LEPROTL1: variants seen among roughly 807,000 people sequenced by gnomAD.
LEPROTL1 encodes leptin receptor overlapping transcript-like 1.
Under a neutral mutation model 15.4 loss-of-function variants are expected in LEPROTL1, and 6 were observed. That is an observed-to-expected ratio of 0.39 (90% confidence interval 0.21 to 0.77). The LOEUF (loss-of-function observed/expected upper bound fraction) is 0.77, where lower values mean the gene tolerates loss of function less well. LEPROTL1 is among the 30% of genes least tolerant of loss of function. The pLI, the probability that LEPROTL1 is intolerant of heterozygous loss-of-function variation, is 0.41. For missense variants in LEPROTL1, 128 were observed against 158.1 expected (o/e 0.81, Z 1.02); for synonymous variants, 56 against 52.6 (o/e 1.06, Z -0.28).
intron 1 of LEPROTL1, among the ~76,000 whole-genome samples, chr8:30,100,868 T>G (rs1454651708): frequency 2.0e-5 from 3 of 152,148 alleles, no homozygotes; most frequent in Non-Finnish European, 4.4e-5. Flanking sequence ...TGTGTGTGTG[T>G]CTGTGTGTGC....
intron 3 of LEPROTL1, among the ~76,000 whole-genome samples, chr8:30,118,063 C>T (rs1188764087): frequency 2.6e-5 from 3 of 115,594 alleles, no homozygotes; most frequent in Admixed American, 1.3e-4. Context: ...CTCGCTCTGT[C>T]TTCCAGGCTG....
At chr8:30,112,836 C>T (rs1802675539), downstream of LEPROTL1, among the ~76,000 whole-genome samples, 1 of 152,124 alleles carries the variant, frequency 6.6e-6, no homozygotes, top group South Asian at 2.1e-4. Context: ...GTTGCTTTCA[C>T]TGTTTCTTAC....
intron 4 of LEPROTL1, among the ~76,000 whole-genome samples, chr8:30,135,051 T>C (rs1803109354): frequency 1.1e-5 from 1 of 91,150 alleles, no homozygotes; most frequent in Non-Finnish European, 2.1e-5. Context: ...AGTTAATTTT[T>C]GTGGGTTTTT....
At chr8:30,095,557 G>A in intron 1 of LEPROTL1, 29 bp downstream of exon 1, 5 of 1,365,250 alleles carry the variant, frequency 3.7e-6, no homozygotes, top group South Asian at 1.7e-5. Flanking sequence ...ACGCGGGAGG[G>A]CTGGGGCCGG....
rs1166474611 is a variant in LEPROTL1 at position 30,108,171 on chromosome 8, AATGTT to A, written c.*2311_*2315del. ...ATGTAAAGCAAGATGACATTGGTGT[AATGTT>A]AGAGTTGCAGAAGTTTCCATTCCAA... is the stretch of plus-strand genomic sequence containing the variant. On this transcript the variant is annotated 3_prime_UTR_variant, in exon 4 of 4. Coordinates refer to ENST00000321250, the MANE Select transcript of LEPROTL1 (RefSeq NM_015344.3). 3.9e-6 allele frequency: 1 copy of A among 253,568 alleles called. No individual in the cohort carries two copies. Among genetic ancestry groups the A allele is most frequent in the Non-Finnish European group, 6.2e-6 (1 of 160,948 alleles). 15.7% of individuals were successfully genotyped at this position (253,568 alleles called of 1,614,324 possible).
intron 3 of LEPROTL1, chr8:30,117,677 G>A: frequency 6.8e-7 from 1 of 1,471,310 alleles, no homozygotes; most frequent in Non-Finnish European, 9.5e-7. Context: ...ACCAGACGAT[G>A]ACTTTGGAGC....
At chr8:30,120,914 G>A (rs756195519) in intron 3 of LEPROTL1, among the ~76,000 whole-genome samples, 23 of 152,126 alleles carry the variant, frequency 1.5e-4, no homozygotes, top group East Asian at 5.8e-4. Context: ...TTATATACCC[G>A]CATAATTCTA....
At chr8:30,132,133 G>T in intron 3 of LEPROTL1, 1 of 1,551,706 alleles carries the variant, frequency 6.4e-7, no homozygotes, top group Non-Finnish European at 8.7e-7. Flanking sequence ...CAGCCTCATC[G>T]GCCAGGATCT....
rs762897669 is a variant in LEPROTL1 at position 30,132,526 on chromosome 8, T to C, written c.394+37T>C. The C allele has an allele frequency of 1.4e-5, 21 of 1,551,722 alleles. No homozygotes were observed. The highest frequency in any genetic ancestry group is 1.7e-5 in the Non-Finnish European group (20 of 1,146,994). On this transcript the variant is annotated intron_variant, in intron 4 of 4. Transcript: ENST00000442880. Reference sequence around the variant, plus strand: ...AAGCCCAGCTGTGGTCCACACGACATAGATGCACTCGAATTGCTGGCAATC... The same window carrying C: ...AAGCCCAGCTGTGGTCCACACGACACAGATGCACTCGAATTGCTGGCAATC...
At chr8:30,096,544 A>G (rs1428994519) in intron 1 of LEPROTL1, 6 of 228,400 alleles carry the variant, frequency 2.6e-5, no homozygotes, top group African/African-American at 9.4e-5. Context: ...AAAACATTTC[A>G]TTTCCCATAT....
chr8:30,128,704 A>C lies in LEPROTL1; in HGVS notation c.280-3671A>C, dbSNP rs192273930. Reference sequence around the variant, plus strand: ...GAGGCAGAGGTTGCAGTGAGCCGAGATCATGCCACTGCACTCCAGCCTGGG... The same window carrying C: ...GAGGCAGAGGTTGCAGTGAGCCGAGCTCATGCCACTGCACTCCAGCCTGGG... On this transcript the variant is annotated intron_variant, in intron 3 of 4. Coordinates refer to the LEPROTL1 transcript ENST00000442880. Among the ~76,000 whole-genome samples, 326 of 151,728 alleles carry C rather than the reference A, an allele frequency of 2.1e-3. 2 individuals are homozygous for C. Among genetic ancestry groups the C allele is most frequent in the African/African-American group, 7.6e-3 (314 of 41,354 alleles).
At chr8:30,115,711 CAA>C (rs991613394) in intron 3 of LEPROTL1, among the ~76,000 whole-genome samples, 2 of 151,758 alleles carry the variant, frequency 1.3e-5, no homozygotes, top group Non-Finnish European at 2.9e-5. Flanking sequence ...CTGTAAGTGG[CAA>C]ATAAAGAATG....
intron 1 of LEPROTL1, 84 bp downstream of exon 1, chr8:30,095,612 C>A (rs1049456942): frequency 3.4e-6 from 4 of 1,160,422 alleles, no homozygotes; most frequent in Non-Finnish European, 4.4e-6. Flanking sequence ...CCGCACTTCC[C>A]CTCCGGGCTC....
At position 30,117,828 on chromosome 8, in the gene LEPROTL1, A is replaced by G. The variant is rs1022163423; in HGVS notation, c.279+13342A>G. The G allele has an allele frequency of 1.7e-4, 106 of 641,808 alleles. 1 individual carries two copies. Among genetic ancestry groups the G allele is most frequent in the South Asian group, 9.9e-4 (54 of 54,520 alleles). The allele number at this position is 641,808 out of a possible 1,614,324, so 39.8% of individuals were successfully genotyped here. A position where few individuals can be genotyped will look rare whatever the true frequency, so the allele number is the denominator to read the frequency against. ...GGAGGAGCAGTGAGACCCTGTTTCT[A>G]TAAAAAATTTTTAAAATCTGAAAGT... On this transcript the variant is annotated intron_variant, in intron 3 of 4. Transcript: ENST00000442880.
In LEPROTL1 at chr8:30,114,228, G is replaced by A. The variant is rs1216006111; in HGVS notation, c.279+9742G>A. On this transcript the variant is annotated intron_variant, in intron 3 of 4. Coordinates refer to the LEPROTL1 transcript ENST00000442880. The stretch of plus-strand genomic sequence containing the variant: ...CAGAACCTGCCATCTGCTTGGATAG[G>A]AAGGTAAGGAAAAGTTATGCTCAGA... Among the ~76,000 whole-genome samples the A allele has an allele frequency of 2.0e-5, 3 of 151,856 alleles. No individual in the cohort carries two copies. The East Asian group carries it at 5.8e-4, about 29-fold the overall frequency.
At chr8:30,137,450 C>T in exon 5 of LEPROTL1, 1 of 1,551,708 alleles carries the variant, frequency 6.4e-7, no homozygotes. Flanking sequence ...CTGGGCAGGC[C>T]TGCTCTGTGG....
rs796786688 is a variant in LEPROTL1, at chr8:30,122,166, C to CA, written c.280-10194dup. Among the ~76,000 whole-genome samples, 722 of 129,948 alleles carry CA rather than the reference C, an allele frequency of 5.6e-3. 2 individuals carry two copies. Among genetic ancestry groups the CA allele is most frequent in the African/African-American group, 0.013 (476 of 35,952 alleles). 85.3% of individuals were successfully genotyped at this position (129,948 alleles called of 152,430 possible). A position where few individuals can be genotyped will look rare whatever the true frequency, so the allele number is the denominator to read the frequency against. On this transcript the variant is annotated intron_variant, in intron 3 of 4. Transcript: ENST00000442880. ...TGGGCAACAGAGCGAGACTCCCTCT[C>CA]AAAAAAAAAAAAAAATTAACTTTAG...
intron 1 of LEPROTL1, chr8:30,095,924 C>T (rs932587072): frequency 5.8e-6 from 4 of 693,880 alleles, no homozygotes; most frequent in African/African-American, 5.3e-5. Context: ...GCTGAGGCTG[C>T]TAGAGATGCC....
At chr8:30,117,498 CAG>C in intron 3 of LEPROTL1, 10 of 1,421,806 alleles carry the variant, frequency 7.0e-6, no homozygotes, top group Non-Finnish European at 9.8e-6. Flanking sequence ...GGGATGGAAA[CAG>C]ATTTTCTGCC....
Sources: gnomAD v4.1 joint callset for allele counts (sites outside exome capture counted in the v4.1 genomes callset) on GRCh38, gnomAD v4.1.1 for gene constraint, MANE v1.5 for transcripts, NCBI Gene and HGNC (gene_info 2026-07-23, HGNC 2026-07-21) for gene names.